Variants in PHF24 observed in about 807,000 individuals in gnomAD.
The protein encoded by PHF24 is PHD finger protein 24, also known as Galpha inhibitory interacting protein.
A neutral mutation model predicts 42.6 loss-of-function variants in PHF24; 25 were observed. The ratio of observed to expected loss-of-function variants is 0.59; its 90% CI spans 0.43 to 0.82. PHF24 has a LOEUF of 0.82. PHF24 is among the 40% of genes least tolerant of loss of function. The pLI is 0.00. For missense variants in PHF24, 470 were observed against 538.1 expected (o/e 0.87, Z 1.25); for synonymous variants, 185 against 204.8 (o/e 0.90, Z 0.83).
chr9:34,904,848 G>A, the PHF24 span, among the ~76,000 whole-genome samples: 6 of 142,096 alleles, frequency 4.2e-5, no homozygotes, highest in African/African-American at 1.6e-4. Context: ...TTTGAGCTAG[G>A]AGGGTTGTAT....
At chr9:34,703,323 C>T in the PHF24 span, among the ~76,000 whole-genome samples, 2 of 152,148 alleles carry the variant, frequency 1.3e-5, no homozygotes, top group Non-Finnish European at 2.9e-5. Context: ...CACCCACCAC[C>T]ATGCCTGGCT....
At chr9:34,951,060 C>T in the PHF24 span, among the ~76,000 whole-genome samples, 2 of 152,284 alleles carry the variant, frequency 1.3e-5, no homozygotes, top group Middle Eastern at 3.4e-3. Flanking sequence ...CAATTATATG[C>T]CTATTATATT....
the PHF24 span, among the ~76,000 whole-genome samples, chr9:34,718,502 G>A: frequency 6.6e-6 from 1 of 152,224 alleles, no homozygotes; most frequent in Non-Finnish European, 1.5e-5. Context: ...TGAGCTCAAG[G>A]AAGTCCTTTC....
At chr9:34,669,220 C>T in the PHF24 span, among the ~76,000 whole-genome samples, 1 of 152,184 alleles carries the variant, frequency 6.6e-6, no homozygotes, top group African/African-American at 2.4e-5. Flanking sequence ...TGAGTGTGTG[C>T]TCAACCTTGG....
At chr9:34,730,133 C>A in the PHF24 span, among the ~76,000 whole-genome samples, 1 of 152,164 alleles carries the variant, frequency 6.6e-6, no homozygotes, top group Non-Finnish European at 1.5e-5. Context: ...GGGTTAGTGG[C>A]CGCTTCTGAC....
At chr9:34,832,447 G>A in the PHF24 span, 5 of 1,446,808 alleles carry the variant, frequency 3.5e-6, no homozygotes, top group African/African-American at 7.1e-5. Flanking sequence ...AAGAAAGCTG[G>A]GCCCATCAGC....
At chr9:34,955,160 C>T (rs1235499965), upstream of PHF24, among the ~76,000 whole-genome samples, 3 of 152,186 alleles carry the variant, frequency 2.0e-5, no homozygotes, top group African/African-American at 7.2e-5. Flanking sequence ...AGGTGTGAGC[C>T]ACCATACCCA....
the PHF24 span, among the ~76,000 whole-genome samples, chr9:34,710,594 A>G: frequency 6.8e-6 from 1 of 147,852 alleles, no homozygotes; most frequent in South Asian, 2.1e-4. Flanking sequence ...CAACCTCCCC[A>G]GGAGCTGGGA....
the PHF24 span, among the ~76,000 whole-genome samples, chr9:34,721,504 T>A: frequency 1.3e-5 from 2 of 151,746 alleles, no homozygotes; most frequent in African/African-American, 4.9e-5. Context: ...AACCTCCACC[T>A]CCTGGGTTCA....
At chr9:34,711,139 C>G in the PHF24 span, among the ~76,000 whole-genome samples, 1 of 152,126 alleles carries the variant, frequency 6.6e-6, no homozygotes, top group African/African-American at 2.4e-5. Flanking sequence ...CATCTTTATA[C>G]ATTGTGTTCC....
the PHF24 span, among the ~76,000 whole-genome samples, chr9:34,728,297 A>C: frequency 6.6e-6 from 1 of 152,216 alleles, no homozygotes; most frequent in East Asian, 1.9e-4. Context: ...TTGAGGCAGG[A>C]TTGTCAGTGT....
At chr9:34,768,154 A>G in the PHF24 span, among the ~76,000 whole-genome samples, 2 of 152,218 alleles carry the variant, frequency 1.3e-5, no homozygotes, top group Non-Finnish European at 2.9e-5. Context: ...TACAAATGAC[A>G]AGTTCAAAGA....
At chr9:34,910,960 C>G in the PHF24 span, among the ~76,000 whole-genome samples, 46 of 151,856 alleles carry the variant, frequency 3.0e-4, no homozygotes, top group Non-Finnish European at 7.4e-5. Flanking sequence ...ATAGCTGGGA[C>G]TATAGACACA....
chr9:34,910,102 C>G, the PHF24 span, among the ~76,000 whole-genome samples: 1 of 152,170 alleles, frequency 6.6e-6, no homozygotes, highest in Non-Finnish European at 1.5e-5. Context: ...TTTCAACCAG[C>G]CATAATAACT....
chr9:34,881,452 A>T, the PHF24 span, among the ~76,000 whole-genome samples: 41 of 152,210 alleles, frequency 2.7e-4, no homozygotes, highest in Non-Finnish European at 5.4e-4. Context: ...AACAAAATTG[A>T]TATACTGCTA....
At chr9:34,682,150 A>ATTTTTTTT in the PHF24 span, among the ~76,000 whole-genome samples, 15 of 93,086 alleles carry the variant, frequency 1.6e-4, no homozygotes, top group East Asian at 3.5e-4. Context: ...AATTATTTCT[A>ATTTTTTTT]TTTTTTTTTT....
At chr9:34,978,277 A>C in exon 8 of PHF24, 2 of 599,978 alleles carry the variant, frequency 3.3e-6, no homozygotes, top group Non-Finnish European at 3.0e-6. Flanking sequence ...TCCCCTCACA[A>C]TAGAGGCAGT....
At chr9:34,957,070 G>A (rs1826392008), upstream of PHF24, among the ~76,000 whole-genome samples, 1 of 152,190 alleles carries the variant, frequency 6.6e-6, no homozygotes, top group South Asian at 2.1e-4. Flanking sequence ...CCCTCAAAGG[G>A]ATGGTGTGAA....
At chr9:34,785,878 G>T in the PHF24 span, among the ~76,000 whole-genome samples, 1 of 152,212 alleles carries the variant, frequency 6.6e-6, no homozygotes, top group African/African-American at 2.4e-5. Flanking sequence ...TGGAATGGCT[G>T]CAGGGGAACA....
Sources: allele counts gnomAD v4.1 joint callset (sites outside exome capture counted in the v4.1 genomes callset), GRCh38; gene constraint gnomAD v4.1.1; transcripts MANE v1.5; gene names NCBI Gene and HGNC (gene_info 2026-07-23, HGNC 2026-07-21).